The following EBF1 variants were observed in gnomAD, a reference collection of about 807,000 sequenced individuals.
EBF1 encodes the protein transcription factor COE1.
In EBF1, 10 loss-of-function variants were observed where a neutral mutation model predicts 68.4. The observed-to-expected ratio is 0.15, with a 90% CI of 0.09 to 0.25. The LOEUF (loss-of-function observed/expected upper bound fraction) is 0.25, where lower values mean the gene tolerates loss of function less well. Among genes scored for constraint, EBF1 ranks in the 10% least tolerant of loss-of-function variants. EBF1 has a pLI of 1.00. For missense variants in EBF1, 509 were observed against 794.4 expected, an observed-to-expected ratio of 0.64 and a Z score of 4.32; for synonymous variants, 298 against 299.8, an observed-to-expected ratio of 0.99 and a Z score of 0.06.
chr5:158,724,764 C>CCACT (rs1762644953), intron 11 of EBF1, among the ~76,000 whole-genome samples: 1 of 152,164 alleles, frequency 6.6e-6, no homozygotes, highest in African/African-American at 2.4e-5. Context: ...CACAACTGAG[C>CCACT]CACTAAATGG....
intron 6 of EBF1, among the ~76,000 whole-genome samples, chr5:159,018,771 T>A (rs1419847048): frequency 6.6e-6 from 1 of 152,168 alleles, no homozygotes; most frequent in Non-Finnish European, 1.5e-5. Flanking sequence ...AGGATTGGAG[T>A]GGCCAAGTAA....
At chr5:159,021,649 A>C (rs1395402801) in intron 6 of EBF1, among the ~76,000 whole-genome samples, 1 of 152,234 alleles carries the variant, frequency 6.6e-6, no homozygotes, top group Non-Finnish European at 1.5e-5. Context: ...AGCCAAGTTT[A>C]ATCAAACCCT....
At chr5:158,795,247 A>G (rs1779404240) in intron 9 of EBF1, among the ~76,000 whole-genome samples, 1 of 152,236 alleles carries the variant, frequency 6.6e-6, no homozygotes, top group South Asian at 2.1e-4. Context: ...GAGCACAGCT[A>G]GAAATGGAAA....
chr5:158,717,646 A>T (rs560514212), intron 11 of EBF1, among the ~76,000 whole-genome samples: 152 of 151,770 alleles, frequency 1.0e-3, no homozygotes, highest in Admixed American at 2.0e-3. Context: ...TTTTTTTTTA[A>T]AAATCCCTTT....
At chr5:158,952,056 A>G (rs1816131326) in intron 6 of EBF1, among the ~76,000 whole-genome samples, 1 of 152,160 alleles carries the variant, frequency 6.6e-6, no homozygotes. Flanking sequence ...AATAAAGGTC[A>G]TATCTCCTAA....
At chr5:158,970,846 A>G (rs990882391) in intron 6 of EBF1, among the ~76,000 whole-genome samples, 1 of 152,220 alleles carries the variant, frequency 6.6e-6, no homozygotes, top group Non-Finnish European at 1.5e-5. Context: ...ACTTCCAACC[A>G]TATTCCTCTC....
At chr5:158,718,219 T>A (rs1387157043) in intron 11 of EBF1, among the ~76,000 whole-genome samples, 1 of 152,190 alleles carries the variant, frequency 6.6e-6, no homozygotes, top group Non-Finnish European at 1.5e-5. Context: ...GGGCACATTA[T>A]CTTCCCAGCA....
At position 158,930,747 on chromosome 5, in the gene EBF1, C is replaced by T. The variant is rs546654678; in HGVS notation, c.555-90637G>A. The stretch of plus-strand genomic sequence containing the variant: ...ATGGGGGGCAAGTATTAAAATGCCT[C>T]CATTTTACAGATAAGGTAAACTGAG... On this transcript the variant is annotated intron_variant, in intron 6 of 15. Coordinates refer to ENST00000313708, the MANE Select transcript of EBF1 (RefSeq NM_024007.5). Among the ~76,000 whole-genome samples the T allele has an allele frequency of 2.0e-5, 3 of 152,236 alleles. No homozygotes were observed. In the East Asian group the frequency reaches 5.8e-4, roughly 29 times the overall value.
chr5:158,895,403 T>TA (rs1304384962), intron 6 of EBF1, among the ~76,000 whole-genome samples: 2 of 152,184 alleles, frequency 1.3e-5, no homozygotes, highest in Non-Finnish European at 2.9e-5. Context: ...TATTCTATAA[T>TA]AAAAATCGTG....
chr5:158,978,453 C>T (rs561491202), intron 6 of EBF1, among the ~76,000 whole-genome samples: 14 of 152,194 alleles, frequency 9.2e-5, no homozygotes, highest in African/African-American at 3.1e-4. Context: ...CATTTTGCCT[C>T]TTTTTAAGGT....
At position 159,069,439 on chromosome 5, in the gene EBF1, G is replaced by A. The variant is rs796083058; in HGVS notation, c.554+3957C>T. Among the ~76,000 whole-genome samples, 7 of 152,062 alleles carry A rather than the reference G, an allele frequency of 4.6e-5. No homozygotes were observed. In the South Asian group the frequency reaches 1.5e-3, roughly 32 times the overall value. On this transcript the variant is annotated intron_variant, in intron 6 of 15. Coordinates refer to ENST00000313708, the MANE Select transcript of EBF1 (RefSeq NM_024007.5). ...GAGTCTGTGTGAAAAGAAGCCTCCA[G>A]CATACTTTGGAGAAAGAAATGTTTT...
intron 6 of EBF1, among the ~76,000 whole-genome samples, chr5:158,848,296 T>C (rs980282104): frequency 8.9e-6 from 1 of 111,960 alleles, no homozygotes; most frequent in Non-Finnish European, 2.1e-5. Context: ...ATATATATCG[T>C]GGGATCATTG....
chr5:158,807,135 ACT>A (rs1781733440), intron 8 of EBF1, among the ~76,000 whole-genome samples: 1 of 152,108 alleles, frequency 6.6e-6, no homozygotes, highest in African/African-American at 2.4e-5. Flanking sequence ...AGTTTTCATA[ACT>A]CAGCCTATAA....
intron 6 of EBF1, among the ~76,000 whole-genome samples, chr5:158,942,407 A>C (rs1268829262): frequency 2.6e-5 from 4 of 152,234 alleles, no homozygotes; most frequent in Admixed American, 2.6e-4. Context: ...TTTTAGCTTT[A>C]CAAAGTTTAT....
At chr5:158,808,267 G>A (rs1034731462) in intron 8 of EBF1, among the ~76,000 whole-genome samples, 5 of 152,144 alleles carry the variant, frequency 3.3e-5, no homozygotes, top group Non-Finnish European at 5.9e-5. Flanking sequence ...GGTCTGGGCT[G>A]TTCTGTCTGG....
chr5:158,730,503 C>T (rs1199745013), intron 11 of EBF1, among the ~76,000 whole-genome samples: 1 of 152,186 alleles, frequency 6.6e-6, no homozygotes, highest in Non-Finnish European at 1.5e-5. Context: ...TAATTTCTCT[C>T]ATATTTGTGC....
At chr5:158,850,227 T>C (rs1792368686) in intron 6 of EBF1, among the ~76,000 whole-genome samples, 1 of 152,246 alleles carries the variant, frequency 6.6e-6, no homozygotes, top group Non-Finnish European at 1.5e-5. Context: ...GACCATTCTG[T>C]TGACTTTTGT....
intron 10 of EBF1, among the ~76,000 whole-genome samples, chr5:158,776,025 A>G (rs533279474): frequency 1.3e-5 from 2 of 152,268 alleles, no homozygotes; most frequent in South Asian, 2.1e-4. Context: ...AAACTCCAGA[A>G]AGACTATTAT....
intron 7 of EBF1, among the ~76,000 whole-genome samples, chr5:158,832,691 T>G (rs4704967): frequency 0.77 from 117,052 of 152,100 alleles, 45,430 homozygotes; most frequent in South Asian, 0.88. Flanking sequence ...AAACTGCAGA[T>G]GTCAGGCATG....
Sources: allele counts gnomAD v4.1 joint callset (sites outside exome capture counted in the v4.1 genomes callset), GRCh38; gene constraint gnomAD v4.1.1; transcripts MANE v1.5; gene names NCBI Gene and HGNC (gene_info 2026-07-23, HGNC 2026-07-21).